Variants in DPP10 observed in about 807,000 individuals in gnomAD.
DPP10 encodes the protein inactive dipeptidyl peptidase 10.
Under a neutral mutation model 120.9 loss-of-function variants are expected in DPP10, and 33 were observed. That is an observed-to-expected ratio of 0.27 (90% CI 0.21 to 0.37). The LOEUF (loss-of-function observed/expected upper bound fraction) is 0.37. Ranked by LOEUF, DPP10 falls within the 10% of genes least tolerant of loss-of-function variation. DPP10 has a pLI of 1.00. For synonymous variants in DPP10, 337 were observed against 326.1 expected, an observed-to-expected ratio of 1.03 and a Z score of -0.36; for missense variants, 816 against 942.8, an observed-to-expected ratio of 0.87 and a Z score of 1.76.
chr2:114,781,965 G>A (rs1389919433), intron 1 of DPP10, among the ~76,000 whole-genome samples: 4 of 152,176 alleles, frequency 2.6e-5, no homozygotes, highest in South Asian at 2.1e-4. Context: ...AAATTAAATT[G>A]TGTATGATAT....
intron 1 of DPP10, among the ~76,000 whole-genome samples, chr2:114,766,723 T>G (rs912517695): frequency 6.6e-6 from 1 of 152,138 alleles, no homozygotes; most frequent in Non-Finnish European, 1.5e-5. Context: ...ACTCTTGAAA[T>G]AACAATAATA....
chr2:115,671,578 TTAAAA>T (rs2089871880), intron 5 of DPP10, among the ~76,000 whole-genome samples: 1 of 152,002 alleles, frequency 6.6e-6, no homozygotes, highest in South Asian at 2.1e-4. Context: ...AAATATATTA[TTAAAA>T]TAAATTACAG....
intron 20 of DPP10, 98 bp downstream of exon 20, chr2:115,815,085 T>C (rs1489749583): frequency 8.1e-7 from 1 of 1,230,046 alleles, no homozygotes; most frequent in East Asian, 2.6e-5. Flanking sequence ...GCTTCTATTT[T>C]AGTGATTGAG....
intron 5 of DPP10, among the ~76,000 whole-genome samples, chr2:115,588,329 A>G (rs2082418333): frequency 6.6e-6 from 1 of 152,200 alleles, no homozygotes; most frequent in South Asian, 2.1e-4. Context: ...ATTTATTCAT[A>G]TAGCATATCT....
intron 19 of DPP10, among the ~76,000 whole-genome samples, chr2:115,796,714 A>C (rs1263816672): frequency 6.6e-6 from 1 of 152,114 alleles, no homozygotes; most frequent in African/African-American, 2.4e-5. Context: ...GATAATAAGA[A>C]TTGATATTAG....
intron 3 of DPP10, among the ~76,000 whole-genome samples, chr2:115,447,944 GATA>G (rs1028232020): frequency 2.6e-5 from 4 of 152,198 alleles, no homozygotes; most frequent in African/African-American, 9.7e-5. Flanking sequence ...GGATGATGAT[GATA>G]ATAAATAATA....
At chr2:115,107,422 C>CTTTTTTTT (rs59046305) in intron 1 of DPP10, among the ~76,000 whole-genome samples, 3 of 59,868 alleles carry the variant, frequency 5.0e-5, no homozygotes, top group African/African-American at 6.6e-5. Context: ...TTGGTTATAG[C>CTTTTTTTT]TTTTTTTTTT....
At chr2:115,385,341 TTCTG>T (rs1354847525) in intron 3 of DPP10, among the ~76,000 whole-genome samples, 4 of 146,416 alleles carry the variant, frequency 2.7e-5, no homozygotes, top group African/African-American at 7.5e-5. Flanking sequence ...TCAATCATAT[TTCTG>T]TCTTTCTTTT....
chr2:115,368,567 T>C lies in DPP10; in HGVS notation c.271+24655T>C, dbSNP rs1473301105. 2.0e-5 allele frequency among the ~76,000 whole-genome samples: 3 copies of C among 152,218 alleles called. 1 individual carries two copies. In the East Asian group the frequency reaches 5.8e-4, roughly 29 times the overall value. On this transcript the variant is annotated intron_variant, in intron 3 of 25. Coordinates refer to ENST00000410059, the MANE Select transcript of DPP10 (RefSeq NM_020868.6). ...TCCTTAATTGTCTTCAGGTTTGCAG[T>C]ATTTAAATTAAATCACTAATTCAAA...
chr2:115,826,537 G>A (rs532781625), intron 21 of DPP10, among the ~76,000 whole-genome samples: 9 of 151,882 alleles, frequency 5.9e-5, no homozygotes, highest in Admixed American at 4.6e-4. Context: ...CCTGGCCAAC[G>A]TGGTAAAACA....
Position 114,470,791 on chromosome 2 carries a change from A to T in DPP10, c.60+27953A>T, listed in dbSNP as rs1679839497. Among the ~76,000 whole-genome samples, 3 of 152,244 alleles carry T rather than the reference A, an allele frequency of 2.0e-5. 1 individual carries two copies. In the South Asian group the frequency reaches 6.2e-4, roughly 31 times the overall value. On this transcript the variant is annotated intron_variant, in intron 1 of 25. Coordinates refer to ENST00000410059, the MANE Select transcript of DPP10 (RefSeq NM_020868.6). ...TGACCAAAGCCAGAGTATCTTACTT[A>T]AGACACTTGAAAGTGGAATACAAAA...
intron 1 of DPP10, among the ~76,000 whole-genome samples, chr2:114,558,324 A>C (rs1350701341): frequency 2.0e-5 from 3 of 152,188 alleles, no homozygotes; most frequent in Non-Finnish European, 2.9e-5. Flanking sequence ...TCCTCCAACT[A>C]ATTGGGCTCT....
At chr2:114,860,803 A>T (rs1574361578) in intron 1 of DPP10, among the ~76,000 whole-genome samples, 1 of 152,276 alleles carries the variant, frequency 6.6e-6, no homozygotes, top group African/African-American at 2.4e-5. Flanking sequence ...CATTCTCCAG[A>T]TTCAAAATTC....
At chr2:115,629,881 G>A (rs184849610) in intron 5 of DPP10, among the ~76,000 whole-genome samples, 241 of 152,140 alleles carry the variant, frequency 1.6e-3, no homozygotes, top group African/African-American at 5.1e-3. Context: ...TTGGCTATGC[G>A]GGCTCTTTTT....
At chr2:115,675,859 G>A (rs993059598) in intron 5 of DPP10, among the ~76,000 whole-genome samples, 1 of 152,134 alleles carries the variant, frequency 6.6e-6, no homozygotes, top group South Asian at 2.1e-4. Context: ...CCCTGAGGAC[G>A]AATAGCCCCT....
intron 1 of DPP10, among the ~76,000 whole-genome samples, chr2:114,576,089 A>G (rs982903508): frequency 6.6e-6 from 1 of 152,216 alleles, no homozygotes. Context: ...GTTACCCCCA[A>G]TGTAGAGTTA....
At chr2:115,382,722 A>G (rs1380364746) in intron 3 of DPP10, among the ~76,000 whole-genome samples, 2 of 152,166 alleles carry the variant, frequency 1.3e-5, no homozygotes, top group Admixed American at 1.3e-4. Context: ...ATAAAAAAAG[A>G]GCTGGAATAG....
At chr2:115,475,503 C>G (rs2075017891) in intron 3 of DPP10, among the ~76,000 whole-genome samples, 1 of 152,188 alleles carries the variant, frequency 6.6e-6, no homozygotes, top group South Asian at 2.1e-4. Context: ...CTCCAGGAAG[C>G]CAATGTGGAG....
At chr2:115,798,784 A>G (rs1684830907) in intron 19 of DPP10, among the ~76,000 whole-genome samples, 1 of 152,132 alleles carries the variant, frequency 6.6e-6, no homozygotes, top group African/African-American at 2.4e-5. Flanking sequence ...TTGATTTGGA[A>G]TCATTCAGTC....
Sources: gnomAD v4.1 joint callset for allele counts (sites outside exome capture counted in the v4.1 genomes callset) on GRCh38, gnomAD v4.1.1 for gene constraint, MANE v1.5 for transcripts, NCBI Gene and HGNC (gene_info 2026-07-23, HGNC 2026-07-21) for gene names.